GABRR2: variants seen among roughly 807,000 people sequenced by gnomAD.
GABRR2 encodes gamma-aminobutyric acid receptor subunit rho-2.
GABRR2 carries 36 observed loss-of-function variants against 47.0 expected under a neutral mutation model. The ratio of observed to expected loss-of-function variants is 0.77; its 90% CI spans 0.59 to 1.01. The LOEUF is 1.01. Ranked by LOEUF, GABRR2 falls within the 50% of genes least tolerant of loss-of-function variation. GABRR2 has a pLI of 0.00. For synonymous variants in GABRR2, 204 were observed against 227.5 expected (o/e 0.90, Z 0.93); for missense variants, 587 against 594.6 (o/e 0.99, Z 0.13).
intron 1 of GABRR2, among the ~76,000 whole-genome samples, chr6:89,314,414 A>C (rs1196025362): frequency 6.6e-6 from 1 of 152,194 alleles, no homozygotes; most frequent in Non-Finnish European, 1.5e-5. Flanking sequence ...TAGATTTGTA[A>C]TGTAATGATT....
rs1327414050 is a variant in GABRR2 at position 89,291,349 on chromosome 6, C to T, written c.220+8410G>A. On this transcript the variant is annotated intron_variant, in intron 2 of 8. Coordinates refer to ENST00000402938, the MANE Select transcript of GABRR2 (RefSeq NM_002043.5). ...GAGCTTCCTAAAGCCCAAGACGCATCCTGTTGCTCCTTAGCTTAGGCTGTG... is the reference window on the plus strand; with the variant it reads ...GAGCTTCCTAAAGCCCAAGACGCATTCTGTTGCTCCTTAGCTTAGGCTGTG... 3.9e-5 allele frequency among the ~76,000 whole-genome samples: 6 copies of T among 152,176 alleles called. No homozygotes were observed. In the East Asian group the frequency reaches 1.2e-3, roughly 29 times the overall value.
chr6:89,259,358 T>A (rs1297146696), intron 8 of GABRR2, among the ~76,000 whole-genome samples: 1 of 152,196 alleles, frequency 6.6e-6, no homozygotes, highest in East Asian at 1.9e-4. Flanking sequence ...GATGAATGAT[T>A]TTATGCAGAA....
At chr6:89,311,166 G>A (rs1767675159) in intron 1 of GABRR2, among the ~76,000 whole-genome samples, 1 of 152,214 alleles carries the variant, frequency 6.6e-6, no homozygotes. Context: ...GCCCATGAAA[G>A]ACGCCTCCGG....
In GABRR2 at chr6:89,267,258, T is replaced by C. The variant is rs1582438735; in HGVS notation, c.736+421A>G. Among the ~76,000 whole-genome samples, 2 of 152,142 alleles carry C rather than the reference T, an allele frequency of 1.3e-5. 1 individual carries two copies. The highest frequency in any genetic ancestry group is 4.1e-4 in the South Asian group (2 of 4,832). On this transcript the variant is annotated intron_variant, in intron 6 of 8. Transcript: ENST00000402938. Reference sequence around the variant, plus strand: ...GTAGAAGCCAGAACCTATTCTAGGCTACATTATTTTAATAATCAAAATTTA... The same window carrying C: ...GTAGAAGCCAGAACCTATTCTAGGCCACATTATTTTAATAATCAAAATTTA...
intron 1 of GABRR2, chr6:89,303,214 T>C (rs1767488901): frequency 5.4e-6 from 2 of 369,212 alleles, no homozygotes; most frequent in South Asian, 2.1e-5. Flanking sequence ...TCCCCAGCTT[T>C]CCCCCACCAG....
chr6:89,262,964 G>C (rs1773783679), intron 8 of GABRR2, among the ~76,000 whole-genome samples: 1 of 152,226 alleles, frequency 6.6e-6, no homozygotes, highest in Non-Finnish European at 1.5e-5. Context: ...GTCTGACTAT[G>C]AATGGAAAAG....
At chr6:89,313,149 C>T (rs538621716) in intron 1 of GABRR2, among the ~76,000 whole-genome samples, 8 of 152,142 alleles carry the variant, frequency 5.3e-5, no homozygotes, top group African/African-American at 7.2e-5. Context: ...ACTAGCAGGC[C>T]GTGTGACTTA....
At chr6:89,281,899 C>G (rs1007015187) in intron 2 of GABRR2, among the ~76,000 whole-genome samples, 16 of 152,136 alleles carry the variant, frequency 1.1e-4, no homozygotes, top group Non-Finnish European at 2.2e-4. Context: ...AGACCGGAGC[C>G]TATGTTGGTC....
chr6:89,295,216 A>G (rs1774533869), intron 2 of GABRR2, among the ~76,000 whole-genome samples: 2 of 152,222 alleles, frequency 1.3e-5, no homozygotes, highest in Admixed American at 6.5e-5. Flanking sequence ...GAATCGCCAC[A>G]CTATCTTCCA....
Position 89,302,580 on chromosome 6 carries a change from G to A in GABRR2, c.114-2715C>T, listed in dbSNP as rs1346669140. 8.6e-6 allele frequency: 9 copies of A among 1,047,870 alleles called. No homozygotes were observed. In the East Asian group the frequency reaches 1.1e-4, roughly 13 times the overall value. The allele number at this position is 1,047,870 out of a possible 1,614,324, so 64.9% of individuals were successfully genotyped here. ...CCCTGCCTGCACTTCTTCATGCCAGGCATGAAGCCCGGGCAGCCAGCATTA... is the reference window on the plus strand; with the variant it reads ...CCCTGCCTGCACTTCTTCATGCCAGACATGAAGCCCGGGCAGCCAGCATTA... On this transcript the variant is annotated intron_variant, in intron 1 of 8. Transcript: ENST00000402938.
At chr6:89,292,698 GTATCTCTGATATATATCAGA>G (rs1774471931) in intron 2 of GABRR2, among the ~76,000 whole-genome samples, 2 of 143,478 alleles carry the variant, frequency 1.4e-5, no homozygotes, top group African/African-American at 2.5e-5. Context: ...GATATATATC[GTATCTCTGATATATATCAGA>G]TATATATCGT....
chr6:89,292,359 T>C (rs1448189527), intron 2 of GABRR2, among the ~76,000 whole-genome samples: 1 of 54,650 alleles, frequency 1.8e-5, no homozygotes, highest in Non-Finnish European at 3.1e-5. Context: ...TATATATATA[T>C]ATATATATAT....
intron 2 of GABRR2, among the ~76,000 whole-genome samples, chr6:89,296,962 A>C (rs995511741): frequency 1.3e-5 from 2 of 152,206 alleles, no homozygotes; most frequent in African/African-American, 2.4e-5. Flanking sequence ...CTTCTTCTAC[A>C]TACTGAAGGT....
intron 1 of GABRR2, among the ~76,000 whole-genome samples, chr6:89,312,466 G>A (rs1025534869): frequency 5.3e-5 from 8 of 152,328 alleles, no homozygotes; most frequent in African/African-American, 1.9e-4. Flanking sequence ...ATGTGTGAGG[G>A]TGACCATGTG....
intron 2 of GABRR2, among the ~76,000 whole-genome samples, chr6:89,298,817 T>G (rs1458127151): frequency 1.3e-5 from 2 of 152,092 alleles, no homozygotes; most frequent in East Asian, 3.9e-4. Flanking sequence ...AAGTGGGCCT[T>G]TGGAAGGTGA....
intron 1 of GABRR2, among the ~76,000 whole-genome samples, chr6:89,311,431 G>C (rs943836270): frequency 5.3e-5 from 8 of 152,162 alleles, no homozygotes; most frequent in African/African-American, 1.9e-4. Context: ...AAGATCCTGA[G>C]CCTTGGGCTA....
At position 89,257,552 on chromosome 6, in the gene GABRR2, TG is replaced by T; in HGVS notation, c.*117del. The T allele has an allele frequency of 1.3e-6, 1 of 797,054 alleles. No individual in the cohort carries two copies. Among genetic ancestry groups the T allele is most frequent in the Non-Finnish European group, 2.0e-6 (1 of 507,928 alleles). 49.4% of individuals were successfully genotyped at this position (797,054 alleles called of 1,614,324 possible). On this transcript the variant is annotated 3_prime_UTR_variant, in exon 9 of 9. Coordinates refer to ENST00000402938, the MANE Select transcript of GABRR2 (RefSeq NM_002043.5). ...TCTGAGAGATGAGTGCTGCTCAGGG[TG>T]GTCCAGTAGCTGCTGCATTGTTTGG...
chr6:89,290,149 C>G (rs530727237), intron 2 of GABRR2, among the ~76,000 whole-genome samples: 1 of 152,338 alleles, frequency 6.6e-6, no homozygotes, highest in African/African-American at 2.4e-5. Context: ...ATATCCCTAT[C>G]CTGCTGTTTT....
intron 8 of GABRR2, among the ~76,000 whole-genome samples, chr6:89,263,324 G>A (rs1358015319): frequency 6.6e-6 from 1 of 152,102 alleles, no homozygotes; most frequent in Non-Finnish European, 1.5e-5. Context: ...TACAAAATAT[G>A]TATTAATCGA....
Sources: allele counts gnomAD v4.1 joint callset (sites outside exome capture counted in the v4.1 genomes callset), GRCh38; gene constraint gnomAD v4.1.1; transcripts MANE v1.5; gene names NCBI Gene and HGNC (gene_info 2026-07-23, HGNC 2026-07-21).